DLG2: variants seen among roughly 807,000 people sequenced by gnomAD.
The protein encoded by DLG2 is discs large MAGUK scaffold protein 2.
Under a neutral mutation model 132.5 loss-of-function variants are expected in DLG2, and 45 were observed. The observed-to-expected ratio is 0.34, with a 90% CI of 0.27 to 0.44. The LOEUF is 0.44. DLG2 is among the 20% of genes least tolerant of loss of function. DLG2 has a pLI of 1.00. For missense variants in DLG2, 1,045 were observed against 1,196.9 expected (o/e 0.87, Z 1.87); for synonymous variants, 424 against 419.6 (o/e 1.01, Z -0.13).
At chr11:84,529,428 T>C (rs921433170) in intron 7 of DLG2, among the ~76,000 whole-genome samples, 1 of 152,140 alleles carries the variant, frequency 6.6e-6, no homozygotes. Context: ...CATGATCTGA[T>C]AAACAACTTC....
intron 3 of DLG2, among the ~76,000 whole-genome samples, chr11:85,314,192 G>A (rs1171724053): frequency 2.0e-5 from 3 of 151,878 alleles, no homozygotes; most frequent in Non-Finnish European, 4.4e-5. Context: ...TGATTTTCTG[G>A]ATAGTATAGG....
chr11:84,506,558 G>A (rs2099241928), intron 7 of DLG2, among the ~76,000 whole-genome samples: 1 of 152,220 alleles, frequency 6.6e-6, no homozygotes, highest in Non-Finnish European at 1.5e-5. Context: ...GAAAAGGCAA[G>A]GAAACTGATT....
chr11:84,187,150 T>G (rs984190360), intron 8 of DLG2, among the ~76,000 whole-genome samples: 2 of 150,262 alleles, frequency 1.3e-5, no homozygotes, highest in African/African-American at 4.9e-5. Context: ...TATATATAAA[T>G]AGAAATTAAA....
chr11:85,113,964 T>C (rs1180778866), intron 5 of DLG2, among the ~76,000 whole-genome samples: 1 of 151,958 alleles, frequency 6.6e-6, no homozygotes, highest in African/African-American at 2.4e-5. Flanking sequence ...GTTTCAGTGC[T>C]AGCAAAGATC....
intron 17 of DLG2, among the ~76,000 whole-genome samples, chr11:83,796,678 C>G (rs1452793067): frequency 2.0e-5 from 3 of 152,092 alleles, no homozygotes; most frequent in African/African-American, 7.2e-5. Flanking sequence ...GGATGCTTAC[C>G]CTATGGTTCA....
At chr11:85,459,499 G>A (rs1281529067) in intron 3 of DLG2, among the ~76,000 whole-genome samples, 1 of 152,164 alleles carries the variant, frequency 6.6e-6, no homozygotes, top group Non-Finnish European at 1.5e-5. Flanking sequence ...GTCTCAGGGA[G>A]CCCCACCCCA....
intron 21 of DLG2, among the ~76,000 whole-genome samples, chr11:83,487,720 C>T (rs1264413758): frequency 2.0e-5 from 3 of 152,028 alleles, no homozygotes; most frequent in Non-Finnish European, 4.4e-5. Context: ...TCAACAACAT[C>T]ATTTTGGTTA....
At chr11:83,808,674 G>C (rs1565153931) in intron 17 of DLG2, among the ~76,000 whole-genome samples, 1 of 152,036 alleles carries the variant, frequency 6.6e-6, no homozygotes, top group Admixed American at 6.6e-5. Context: ...CCCTTTCCAA[G>C]TTTGCATTGC....
intron 7 of DLG2, among the ~76,000 whole-genome samples, chr11:84,406,877 G>C (rs1363372319): frequency 1.3e-5 from 2 of 152,228 alleles, no homozygotes; most frequent in Admixed American, 6.5e-5. Context: ...CAGGGACAGA[G>C]AGAAAGAGAA....
intron 6 of DLG2, among the ~76,000 whole-genome samples, chr11:84,807,077 G>T (rs565564872): frequency 6.6e-6 from 1 of 152,212 alleles, no homozygotes; most frequent in Non-Finnish European, 1.5e-5. Context: ...TGCAAAAATT[G>T]TTCAAGTAAC....
intron 6 of DLG2, among the ~76,000 whole-genome samples, chr11:84,875,589 A>T (rs898941239): frequency 6.6e-6 from 1 of 151,900 alleles, no homozygotes; most frequent in African/African-American, 2.4e-5. Flanking sequence ...ATGTTACCTC[A>T]CATTTCCTAA....
chr11:83,863,486 G>A (rs1224395602), intron 16 of DLG2, among the ~76,000 whole-genome samples: 1 of 152,044 alleles, frequency 6.6e-6, no homozygotes, highest in African/African-American at 2.4e-5. Context: ...GACAATGAAT[G>A]GAGACTTTGT....
intron 6 of DLG2, among the ~76,000 whole-genome samples, chr11:84,928,181 A>C (rs2047630863): frequency 6.6e-6 from 1 of 151,998 alleles, no homozygotes; most frequent in Admixed American, 6.6e-5. Context: ...GATGGATGCC[A>C]CTTGAGAAAG....
intron 3 of DLG2, among the ~76,000 whole-genome samples, chr11:85,304,113 T>C (rs899974668): frequency 1.3e-5 from 2 of 152,164 alleles, no homozygotes; most frequent in African/African-American, 2.4e-5. Flanking sequence ...GAGGAAGCCT[T>C]GTTGTTACAC....
intron 6 of DLG2, among the ~76,000 whole-genome samples, chr11:84,842,733 A>T (rs1273941344): frequency 6.6e-6 from 1 of 151,914 alleles, no homozygotes; most frequent in African/African-American, 2.4e-5. Flanking sequence ...AGAAATATCT[A>T]GTATACCAGA....
At chr11:84,828,785 T>C (rs1183289385) in intron 6 of DLG2, among the ~76,000 whole-genome samples, 1 of 151,814 alleles carries the variant, frequency 6.6e-6, no homozygotes, top group Non-Finnish European at 1.5e-5. Context: ...TAAGCTCTAC[T>C]GAATGCTGTA....
intron 3 of DLG2, among the ~76,000 whole-genome samples, chr11:85,415,530 T>G (rs2089754921): frequency 6.6e-6 from 1 of 152,216 alleles, no homozygotes; most frequent in African/African-American, 2.4e-5. Flanking sequence ...TGTTGTTTCC[T>G]GACTTTTTAA....
At chr11:83,579,534 CT>C (rs2096934479) in intron 19 of DLG2, among the ~76,000 whole-genome samples, 1 of 151,694 alleles carries the variant, frequency 6.6e-6, no homozygotes, top group Admixed American at 6.6e-5. Flanking sequence ...GTTTATTTTA[CT>C]TGTGGTATTA....
chr11:85,428,372 C>T (rs1259519153), intron 3 of DLG2, among the ~76,000 whole-genome samples: 8 of 152,194 alleles, frequency 5.3e-5, no homozygotes, highest in East Asian at 3.9e-4. Flanking sequence ...ACCACTTAGT[C>T]GGAAGTAAAG....
Sources: allele counts gnomAD v4.1 joint callset (sites outside exome capture counted in the v4.1 genomes callset), GRCh38; gene constraint gnomAD v4.1.1; transcripts MANE v1.5; gene names NCBI Gene and HGNC (gene_info 2026-07-23, HGNC 2026-07-21).